PNPLA3: variants seen among roughly 807,000 people sequenced by gnomAD.
PNPLA3 encodes the protein patatin like domain 3, 1-acylglycerol-3-phosphate O-acyltransferase.
A neutral mutation model predicts 43.1 loss-of-function variants in PNPLA3; 42 were observed. That is an observed-to-expected ratio of 0.97 (90% CI 0.76 to 1.26). The LOEUF (loss-of-function observed/expected upper bound fraction) is 1.26. PNPLA3 is among the 50% of genes most tolerant of loss of function. The pLI is 0.00. For synonymous variants in PNPLA3, 272 were observed against 253.6 expected, an observed-to-expected ratio of 1.07 and a Z score of -0.69; for missense variants, 647 against 621.4, an observed-to-expected ratio of 1.04 and a Z score of -0.44.
At position 43,926,989 on chromosome 22, in the gene PNPLA3, T is replaced by C. The variant is rs1164365111; in HGVS notation, c.242T>C (p.Ile81Thr). 4 of 1,614,122 alleles carry C rather than the reference T, an allele frequency of 2.5e-6. No individual in the cohort carries two copies. The highest frequency in any genetic ancestry group is 1.7e-5 in the Admixed American group (1 of 60,006). Reference sequence around the variant, plus strand: ...GTGCGGAAGGCCAGGAGTCGGAACATTGGCATCTTCCATCCATCCTTCAAC... The same window carrying C: ...GTGCGGAAGGCCAGGAGTCGGAACACTGGCATCTTCCATCCATCCTTCAAC... ...DLVRKARSRN[I>T]GIFHPSFNLS... The change falls in exon 2 of 9, where the codon ATT (isoleucine) becomes ACT (threonine). Residue 81 changes from isoleucine to threonine, a missense_variant. Physicochemically the swap from Ile to Thr is moderately conservative, Grantham distance 89 (BLOSUM62 -1). Coordinates refer to ENST00000216180, the MANE Select transcript of PNPLA3 (RefSeq NM_025225.3).
Position 43,946,374 on chromosome 22 carries a change from A to G in PNPLA3, c.1438A>G (p.Ser480Gly). ...CTTTCCCAGTTTTTCACTAGAGAAG[A>G]GTCTGTGAGTCACTTGAGGAGGCGA... ...STFPSFSLEKSL is the reference protein window; with the variant it reads ...STFPSFSLEKGL Residue 480 changes from serine to glycine, a missense_variant, in exon 9 of 9, where the codon AGT becomes GGT. By Grantham distance (56) the Ser-to-Gly change is moderately conservative. Transcript: ENST00000216180. 6.2e-7 allele frequency: 1 copy of G among 1,613,832 alleles called. No homozygotes were observed.
At chr22:43,929,590 T>C (rs2049948414) in intron 3 of PNPLA3, among the ~76,000 whole-genome samples, 1 of 147,436 alleles carries the variant, frequency 6.8e-6, no homozygotes, top group South Asian at 2.1e-4. Flanking sequence ...ATATATATTT[T>C]TTTCTTTTCT....
intron 4 of PNPLA3, 60 bp downstream of exon 4, chr22:43,933,147 T>A: frequency 6.8e-7 from 1 of 1,460,450 alleles, no homozygotes; most frequent in Non-Finnish European, 9.6e-7. Flanking sequence ...CCTCCCTGAT[T>A]GCCAGGAGCT....
At chr22:43,933,391 T>G (rs1187026710) in intron 4 of PNPLA3, among the ~76,000 whole-genome samples, 2 of 152,096 alleles carry the variant, frequency 1.3e-5, no homozygotes, top group Non-Finnish European at 2.9e-5. Flanking sequence ...AAGATTTTTT[T>G]TTGGTTTGTT....
chr22:43,942,751 G>A (rs1366887241), intron 7 of PNPLA3, among the ~76,000 whole-genome samples: 1 of 141,518 alleles, frequency 7.1e-6, no homozygotes, highest in East Asian at 2.1e-4. Context: ...TGCCCAGGCT[G>A]GAATGCAGTG....
At chr22:43,936,674 A>C (rs1253586206) in intron 5 of PNPLA3, among the ~76,000 whole-genome samples, 1 of 152,162 alleles carries the variant, frequency 6.6e-6, no homozygotes, top group Non-Finnish European at 1.5e-5. Flanking sequence ...TCAGCTGAAA[A>C]ATGGAGATGA....
At chr22:43,939,056 G>A (rs1203918839) in intron 6 of PNPLA3, among the ~76,000 whole-genome samples, 3 of 152,154 alleles carry the variant, frequency 2.0e-5, no homozygotes, top group African/African-American at 7.2e-5. Context: ...CTCCTGAGTT[G>A]CTGGGATTAC....
At chr22:43,927,798 G>A (rs552266165) in intron 2 of PNPLA3, among the ~76,000 whole-genome samples, 1 of 152,226 alleles carries the variant, frequency 6.6e-6, no homozygotes, top group East Asian at 1.9e-4. Context: ...TTGTAGAGAC[G>A]GGGTTTTGCC....
At chr22:43,924,786 T>C (rs1165498665) in intron 1 of PNPLA3, among the ~76,000 whole-genome samples, 1 of 152,070 alleles carries the variant, frequency 6.6e-6, no homozygotes, top group Non-Finnish European at 1.5e-5. Flanking sequence ...TAGCTGGGAC[T>C]ACAGGCGCCA....
At chr22:43,944,634 T>C (rs2050051412) in intron 7 of PNPLA3, 57 bp from the exon 8 acceptor site, 2 of 1,400,074 alleles carry the variant, frequency 1.4e-6, no homozygotes, top group Admixed American at 1.7e-5. Context: ...AGGGTAGTGT[T>C]GTAAGCTGTT....
At chr22:43,927,537 C>T (rs1196856100) in intron 2 of PNPLA3, among the ~76,000 whole-genome samples, 1 of 151,682 alleles carries the variant, frequency 6.6e-6, no homozygotes, top group Non-Finnish European at 1.5e-5. Context: ...GCAACACAGG[C>T]AGTTGTAGGC....
intron 1 of PNPLA3, 89 bp from the exon 2 acceptor site, chr22:43,926,846 G>C: frequency 1.9e-6 from 2 of 1,060,684 alleles, no homozygotes; most frequent in Non-Finnish European, 2.8e-6. Flanking sequence ...AATGTTGGTG[G>C]CATCCTTGCT....
chr22:43,923,828 C>A lies in PNPLA3; in HGVS notation c.-84C>A. ...GTAGAGAGCGCTTGCGGGCGCCGGG[C>A]GGAGCTGCTGCGGATCAGGACCCGA... On this transcript the variant is annotated 5_prime_UTR_variant, in exon 1 of 9. Transcript: ENST00000216180. 1.5e-6 allele frequency: 2 copies of A among 1,328,750 alleles called. No homozygotes were observed. The highest frequency in any genetic ancestry group is 2.0e-6 in the Non-Finnish European group (2 of 1,023,794). 82.3% of individuals were successfully genotyped at this position (1,328,750 alleles called of 1,614,324 possible).
rs767321890 is a variant in PNPLA3, at chr22:43,927,031, G to A, written c.284G>A (p.Arg95Gln). 26 of 1,614,076 alleles carry A rather than the reference G, an allele frequency of 1.6e-5. No individual in the cohort carries two copies. The highest frequency in any genetic ancestry group is 5.3e-5 in the African/African-American group (4 of 74,930). The change falls in exon 2 of 9, where the codon CGA becomes CAA. Residue 95 changes from arginine (R) to glutamine (Q), a missense_variant. Physicochemically the swap from Arg to Gln is conservative, Grantham distance 43. Coordinates refer to ENST00000216180, the MANE Select transcript of PNPLA3 (RefSeq NM_025225.3). ...TCCTTCAACTTAAGCAAGTTCCTCC[G>A]ACAGGGTCTCTGCAAATGCCTCCCG... ...HPSFNLSKFL[R>Q]QGLCKCLPAN...
rs1029786825 is a variant in PNPLA3 at position 43,941,021 on chromosome 22, C to T, written c.1112+896C>T. On this transcript the variant is annotated intron_variant, in intron 7 of 8. Coordinates refer to ENST00000216180, the MANE Select transcript of PNPLA3 (RefSeq NM_025225.3). ...GGGCATGGTGGTGCATGCCTGTAAT[C>T]CCAGCTACTCCGGAGGCTAAGGCAG... is the stretch of plus-strand genomic sequence containing the variant. Among the ~76,000 whole-genome samples, 31 of 151,554 alleles carry T rather than the reference C, an allele frequency of 2.0e-4. 1 individual carries two copies. The highest frequency in any genetic ancestry group is 7.3e-4 in the African/African-American group (30 of 41,224).
At chr22:43,925,057 G>A (rs1311334414) in intron 1 of PNPLA3, among the ~76,000 whole-genome samples, 1 of 151,678 alleles carries the variant, frequency 6.6e-6, no homozygotes, top group African/African-American at 2.4e-5. Context: ...GTGGGGAGGG[G>A]TACCTTGAAA....
At chr22:43,925,633 A>G (rs1318078623) in intron 1 of PNPLA3, among the ~76,000 whole-genome samples, 1 of 152,072 alleles carries the variant, frequency 6.6e-6, no homozygotes, top group Non-Finnish European at 1.5e-5. Flanking sequence ...GCTGACTGGG[A>G]GGTGGGGATT....
chr22:43,933,088 G>A lies in PNPLA3; in HGVS notation c.696+1G>A, dbSNP rs2049972388. ...AGCTTTTGTCCCCCCGGATCTCAAG[G>A]TGAGTTGGTGGTGAGGGGGCAGGTG... is the stretch of plus-strand genomic sequence containing the variant. On this transcript the variant is annotated splice_donor_variant, in intron 4 of 8. Transcript: ENST00000216180. LOFTEE classifies it high-confidence loss of function. 1 of 1,613,144 alleles carries A rather than the reference G, an allele frequency of 6.2e-7. No homozygotes were observed. The highest frequency in any genetic ancestry group is 8.5e-7 in the Non-Finnish European group (1 of 1,179,856).
chr22:43,924,678 C>T (rs1313159606), intron 1 of PNPLA3, among the ~76,000 whole-genome samples: 3 of 149,856 alleles, frequency 2.0e-5, no homozygotes, highest in Non-Finnish European at 4.4e-5. Context: ...GACGGAGTTT[C>T]GCTCAGTCGC....
Sources: allele counts gnomAD v4.1 joint callset (sites outside exome capture counted in the v4.1 genomes callset), GRCh38; gene constraint gnomAD v4.1.1; transcripts MANE v1.5; gene names NCBI Gene and HGNC (gene_info 2026-07-23, HGNC 2026-07-21).